Variants in ZNF658 observed in about 807,000 individuals in gnomAD.
The protein encoded by ZNF658 is zinc finger protein 658.
ZNF658 carries 46 observed loss-of-function variants against 78.0 expected under a neutral mutation model. The observed-to-expected ratio is 0.59, with a 90% CI of 0.47 to 0.75. The LOEUF (loss-of-function observed/expected upper bound fraction) is 0.75, where lower values mean the gene tolerates loss of function less well. ZNF658 is among the 30% of genes least tolerant of loss of function. ZNF658 has a pLI of 0.00. For synonymous variants in ZNF658, 279 were observed against 408.4 expected, an observed-to-expected ratio of 0.68 and a Z score of 3.82; for missense variants, 785 against 1,189.3, an observed-to-expected ratio of 0.66 and a Z score of 5.00.
At chr9:66,930,527 C>T (rs1822631064) in intron 6 of ZNF658, among the ~76,000 whole-genome samples, 1 of 151,050 alleles carries the variant, frequency 6.6e-6, no homozygotes, top group African/African-American at 2.4e-5. Flanking sequence ...ATGGAATTTT[C>T]AGCCCGGCAT....
intron 6 of ZNF658, among the ~76,000 whole-genome samples, chr9:66,927,342 A>T (rs1324020394): frequency 5.3e-5 from 8 of 151,516 alleles, no homozygotes; most frequent in African/African-American, 1.5e-4. Flanking sequence ...ATGATTATTT[A>T]AAAAAAAGAC....
intron 4 of ZNF658, among the ~76,000 whole-genome samples, chr9:66,913,015 G>A (rs1482092032): frequency 6.6e-6 from 1 of 151,282 alleles, no homozygotes; most frequent in Admixed American, 6.6e-5. Flanking sequence ...ACTACTGAAG[G>A]GTGGAAAGAA....
chr9:66,902,096 T>C (rs565392375), intron 1 of ZNF658, among the ~76,000 whole-genome samples: 4 of 151,932 alleles, frequency 2.6e-5, no homozygotes, highest in Non-Finnish European at 5.9e-5. Flanking sequence ...TGGTTCTATG[T>C]GGCTGATGGC....
rs1446877182 is a variant in ZNF658, at chr9:66,920,382, A to G, written c.2816A>G (p.Glu939Gly). The G allele has an allele frequency of 6.2e-7, 1 of 1,612,886 alleles. No homozygotes were observed. Among genetic ancestry groups the G allele is most frequent in the African/African-American group, 1.3e-5 (1 of 74,488 alleles). The change falls in exon 5 of 5, where the codon GAA becomes GGA. Residue 939 changes from glutamate to glycine, a missense_variant. Transcript: ENST00000621410. The stretch of plus-strand genomic sequence containing the variant: ...GTTCATACGGGGGAGAAACCCTACG[A>G]ATGTAATGTATGTGGGAAGCCATTT... ...QRVHTGEKPY[E>G]CNVCGKPFAH... is the part of the protein sequence containing the mutation.
At chr9:66,910,590 C>T (rs571178362) in intron 4 of ZNF658, among the ~76,000 whole-genome samples, 60 of 151,956 alleles carry the variant, frequency 3.9e-4, no homozygotes, top group Non-Finnish European at 6.9e-4. Context: ...AGACAGATCA[C>T]GAGGTCAGGA....
In ZNF658 at chr9:66,918,175, T is replaced by G; in HGVS notation, c.609T>G (p.Asp203Glu). 6.2e-7 allele frequency: 1 copy of G among 1,607,990 alleles called. No homozygotes were observed. Among genetic ancestry groups the G allele is most frequent in the Non-Finnish European group, 8.5e-7 (1 of 1,177,932 alleles). ...CTAAAGCTTTCAGTTATAAGAAAGA[T>G]CAGCATTGGAAATTTCAAACTTTGG... The part of the protein sequence containing the change: ...ENAKAFSYKK[D>E]QHWKFQTLEE... Residue 203 changes from aspartate (D) to glutamate (E), a missense_variant, in exon 5 of 5, where the codon GAT becomes GAG. Physicochemically the swap from Asp to Glu is conservative, Grantham distance 45 (BLOSUM62 2). Transcript: ENST00000621410.
At chr9:66,910,024 T>C (rs1036934424) in intron 4 of ZNF658, among the ~76,000 whole-genome samples, 3 of 152,162 alleles carry the variant, frequency 2.0e-5, no homozygotes, top group African/African-American at 7.2e-5. Context: ...GAGAATACTC[T>C]GGTGTTTCTT....
At chr9:66,903,297 T>G in intron 1 of ZNF658, 1 of 480,540 alleles carries the variant, frequency 2.1e-6, no homozygotes, top group Admixed American at 3.4e-5. Flanking sequence ...TTTTCAAGAG[T>G]CAAAGGGACA....
chr9:66,927,657 GA>G (rs1385194242), intron 6 of ZNF658, among the ~76,000 whole-genome samples: 2 of 151,702 alleles, frequency 1.3e-5, no homozygotes, highest in African/African-American at 2.4e-5. Context: ...ACATACAATG[GA>G]AATACTATTC....
In ZNF658 at chr9:66,917,969, A is replaced by C. The variant is rs143353803; in HGVS notation, c.403A>C (p.Ile135Leu). Reference sequence around the variant, plus strand: ...AATAGCTCCAGAGCTTTCAGAAAAAATATCCTGTAAATGTGACTCACACAG... The same window carrying C: ...AATAGCTCCAGAGCTTTCAGAAAAACTATCCTGTAAATGTGACTCACACAG... ...LEIAPELSEK[I>L]SCKCDSHRMN... Residue 135 changes from isoleucine to leucine, a missense_variant, in exon 5 of 5, where the codon ATA (isoleucine) becomes CTA (leucine). Transcript: ENST00000621410. 4.1e-5 allele frequency: 66 copies of C among 1,607,484 alleles called. No individual in the cohort carries two copies. The African/African-American group carries it at 7.0e-4, about 17-fold the overall frequency.
intron 2 of ZNF658, among the ~76,000 whole-genome samples, chr9:66,906,026 T>G (rs1034005143): frequency 1.9e-4 from 27 of 145,784 alleles, no homozygotes; most frequent in African/African-American, 5.2e-4. Flanking sequence ...TTTGCAGGAG[T>G]TGTTGTTGAA....
At chr9:66,923,195 G>T (rs1822552515), downstream of ZNF658, among the ~76,000 whole-genome samples, 1 of 150,076 alleles carries the variant, frequency 6.7e-6, no homozygotes, top group African/African-American at 2.4e-5. Flanking sequence ...AAGTCCAAAA[G>T]TCCAAAAGCC....
rs1339542324 is a variant in ZNF658 at position 66,919,100 on chromosome 9, C to A, written c.1534C>A (p.Leu512Ile). 8.8e-6 allele frequency: 5 copies of A among 566,688 alleles called. No homozygotes were observed. The highest frequency in any genetic ancestry group is 1.4e-5 in the Non-Finnish European group (5 of 351,106). The allele number at this position is 566,688 out of a possible 1,614,324, so 35.1% of individuals were successfully genotyped here. The change falls in exon 5 of 5, where the codon CTC (leucine) becomes ATC (isoleucine). Residue 512 changes from leucine to isoleucine, a missense_variant. By Grantham distance (5) the Leu-to-Ile change is conservative. This residue lies in a region of ZNF658 where 393 missense variants were observed against 400.2 expected (regional missense o/e 0.98). Transcript: ENST00000621410. Reference sequence around the variant, plus strand: ...ACATCTCAAAGGACATCAGAGAATTCTCATGGGGGAGAAACCCTATGAATG... The same window carrying A: ...ACATCTCAAAGGACATCAGAGAATTATCATGGGGGAGAAACCCTATGAATG... ...TSHLKGHQRI[L>I]MGEKPYECIE...
At chr9:66,910,832 T>C (rs1487861304) in intron 4 of ZNF658, among the ~76,000 whole-genome samples, 1 of 144,414 alleles carries the variant, frequency 6.9e-6, no homozygotes, top group Non-Finnish European at 1.5e-5. Flanking sequence ...AGTAAAGTTG[T>C]TGAGTCAATA....
chr9:66,907,899 G>T (rs1822116559), intron 2 of ZNF658, among the ~76,000 whole-genome samples: 1 of 151,480 alleles, frequency 6.6e-6, no homozygotes, highest in South Asian at 2.1e-4. Flanking sequence ...TTAGCCCCCA[G>T]AATTTACAGT....
chr9:66,917,838 G>T lies in ZNF658; in HGVS notation c.272G>T (p.Arg91Leu), dbSNP rs777410106. 1 of 1,483,142 alleles carries T rather than the reference G, an allele frequency of 6.7e-7. No individual in the cohort carries two copies. The highest frequency in any genetic ancestry group is 9.2e-7 in the Non-Finnish European group (1 of 1,089,562). 91.9% of individuals were successfully genotyped at this position (1,483,142 alleles called of 1,614,324 possible). The change falls in exon 5 of 5, where the codon CGG (arginine) becomes CTG (leucine). Residue 91 changes from arginine to leucine, a missense_variant. Arg to Leu is a moderately radical substitution (Grantham distance 102). Around this residue, in one of 12 missense-constraint regions of ZNF658, gnomAD observed 4 missense variants for 21.5 expected, o/e 0.19. Transcript: ENST00000621410. ...AAAGTTGATCACATCAAAGGGATCC[G>T]GGAAAAACAAGAAAAACCTCTGTGG... ...YFKVDHIKGI[R>L]EKQEKPLWQE...
chr9:66,910,680 C>G (rs58812226), intron 4 of ZNF658, among the ~76,000 whole-genome samples: 4,179 of 151,952 alleles, frequency 0.028, 179 homozygotes, highest in African/African-American at 0.093. Context: ...CCTGTAGTCT[C>G]AGCTACTTGG....
chr9:66,914,212 T>A (rs1424959619), intron 4 of ZNF658, among the ~76,000 whole-genome samples: 1 of 150,620 alleles, frequency 6.6e-6, no homozygotes, highest in East Asian at 1.9e-4. Context: ...CATCAATGTC[T>A]TTTAGTTTTT....
Position 66,921,111 on chromosome 9 carries a change from G to C in ZNF658, c.*365G>C, listed in dbSNP as rs1444933933. On this transcript the variant is annotated 3_prime_UTR_variant, in exon 5 of 5. Coordinates refer to ENST00000621410, the MANE Select transcript of ZNF658 (RefSeq NM_033160.7). Reference sequence around the variant, plus strand: ...ACTTCCAGGTCTTCATCAGGGTTTTGTTTTTGTTGCTTTAAAGCAAGAGTT... The same window carrying C: ...ACTTCCAGGTCTTCATCAGGGTTTTCTTTTTGTTGCTTTAAAGCAAGAGTT... 4 of 210,002 alleles carry C rather than the reference G, an allele frequency of 1.9e-5. No individual in the cohort carries two copies. The highest frequency in any genetic ancestry group is 1.6e-4 in the Admixed American group (3 of 19,066). 13.0% of individuals were successfully genotyped at this position (210,002 alleles called of 1,614,324 possible). A position where few individuals can be genotyped will look rare whatever the true frequency, so the allele number is the denominator to read the frequency against.
Sources: allele counts gnomAD v4.1 joint callset (sites outside exome capture counted in the v4.1 genomes callset), GRCh38; gene constraint gnomAD v4.1.1; regional missense constraint gnomAD v4.1.1; transcripts MANE v1.5; gene names NCBI Gene and HGNC (gene_info 2026-07-23, HGNC 2026-07-21).